PDE4D: variants seen among roughly 807,000 people sequenced by gnomAD.
PDE4D encodes 3',5'-cyclic-AMP phosphodiesterase 4D.
Under a neutral mutation model 87.4 loss-of-function variants are expected in PDE4D, and 24 were observed. The observed-to-expected ratio is 0.27, with a 90% CI of 0.20 to 0.39. The LOEUF (loss-of-function observed/expected upper bound fraction) is 0.39, where lower values mean the gene tolerates loss of function less well. Among genes scored for constraint, PDE4D ranks in the 10% least tolerant of loss-of-function variants. The probability of loss-of-function intolerance (pLI) is 1.00; values close to 1 mark genes in which losing one functional copy is unlikely to be tolerated. For missense variants in PDE4D, 714 were observed against 1,041.0 expected (o/e 0.69, Z 4.32); for synonymous variants, 384 against 383.2 (o/e 1.00, Z -0.02).
chr5:59,198,495 T>C (rs1273235962), intron 2 of PDE4D, among the ~76,000 whole-genome samples: 1 of 152,162 alleles, frequency 6.6e-6, no homozygotes, highest in Non-Finnish European at 1.5e-5. Flanking sequence ...GTTTTAAATT[T>C]CATGATGTCC....
chr5:60,036,822 T>C (rs967462136), intron 2 of PDE4D, among the ~76,000 whole-genome samples: 2 of 152,224 alleles, frequency 1.3e-5, no homozygotes, highest in Admixed American at 1.3e-4. Context: ...CTTGGACACT[T>C]CAGGGTCCAT....
chr5:60,056,502 C>T (rs1354050655), intron 2 of PDE4D, among the ~76,000 whole-genome samples: 1 of 151,926 alleles, frequency 6.6e-6, no homozygotes, highest in Non-Finnish European at 1.5e-5. Flanking sequence ...AGAGAGACAG[C>T]AGAGGGTTTA....
At chr5:59,352,421 A>C (rs1780670992) in intron 1 of PDE4D, among the ~76,000 whole-genome samples, 1 of 152,186 alleles carries the variant, frequency 6.6e-6, no homozygotes, top group African/African-American at 2.4e-5. Flanking sequence ...TGGGGTATGC[A>C]GAAAGTTACA....
intron 5 of PDE4D, among the ~76,000 whole-genome samples, chr5:59,094,963 C>T (rs564463724): frequency 6.6e-6 from 1 of 151,852 alleles, no homozygotes; most frequent in East Asian, 1.9e-4. Context: ...CAACAAGCTG[C>T]ACAAAGTTAT....
At chr5:59,702,730 G>A (rs557144638) in intron 1 of PDE4D, among the ~76,000 whole-genome samples, 1 of 151,744 alleles carries the variant, frequency 6.6e-6, no homozygotes, top group South Asian at 2.1e-4. Flanking sequence ...TTAGCTGGGT[G>A]TTGTGGCACA....
chr5:59,980,210 C>A lies in PDE4D; in HGVS notation c.272+8278G>T, dbSNP rs549077719. 2.6e-5 allele frequency among the ~76,000 whole-genome samples: 4 copies of A among 152,232 alleles called. No homozygotes were observed. In the South Asian group the frequency reaches 6.2e-4, roughly 24 times the overall value. On this transcript the variant is annotated intron_variant, in intron 3 of 16. Transcript: ENST00000502484. ...TCTCCTTAAACACTTCAGTGATTCA[C>A]AGTTCTGCATTACAGAAGGATGGTC...
chr5:60,292,185 T>G (rs1257644057), intron 1 of PDE4D, among the ~76,000 whole-genome samples: 3 of 152,142 alleles, frequency 2.0e-5, no homozygotes, highest in Admixed American at 2.0e-4. Context: ...ATTTAAAGAA[T>G]AAAATTTTTA....
chr5:59,214,465 G>A (rs147766605), intron 2 of PDE4D, among the ~76,000 whole-genome samples: 1 of 151,982 alleles, frequency 6.6e-6, no homozygotes, highest in Non-Finnish European at 1.5e-5. Flanking sequence ...TCTTTCCCTT[G>A]GGTGGAAAAC....
intron 1 of PDE4D, among the ~76,000 whole-genome samples, chr5:60,205,654 G>A (rs759473200): frequency 6.6e-6 from 1 of 152,042 alleles, no homozygotes; most frequent in Admixed American, 6.5e-5. Flanking sequence ...GGGAGGCCAA[G>A]GCGGGTGGAT....
chr5:60,084,390 G>A (rs1033892788), intron 2 of PDE4D, among the ~76,000 whole-genome samples: 1 of 41,354 alleles, frequency 2.4e-5, no homozygotes, highest in Non-Finnish European at 5.3e-5. Context: ...GCATCTTAAC[G>A]TGTGTGTGTG....
rs1188976269 is a variant in PDE4D at position 58,973,489 on chromosome 5, G to GAGC, written c.*1174_*1175insGCT. The stretch of plus-strand genomic sequence containing the variant: ...AGAGCATGAAATGTGTGGATTATTA[G>GAGC]AAAGACATGCACTTGTGAAATGAAC... On this transcript the variant is annotated 3_prime_UTR_variant, in exon 15 of 15. Transcript: ENST00000340635. 1 of 152,588 alleles carries GAGC rather than the reference G, an allele frequency of 6.6e-6. No homozygotes were observed. The highest frequency in any genetic ancestry group is 2.4e-5 in the African/African-American group (1 of 41,436). 9.5% of individuals were successfully genotyped at this position (152,588 alleles called of 1,614,324 possible).
chr5:59,431,778 C>T (rs1249596862), intron 1 of PDE4D, among the ~76,000 whole-genome samples: 3 of 152,080 alleles, frequency 2.0e-5, no homozygotes, highest in Non-Finnish European at 4.4e-5. Flanking sequence ...TCTCTCCCTC[C>T]TCCCACCTTC....
chr5:59,959,790 GATTTT>G (rs1475633350), intron 3 of PDE4D, among the ~76,000 whole-genome samples: 1 of 152,062 alleles, frequency 6.6e-6, no homozygotes, highest in African/African-American at 2.4e-5. Context: ...CCTAGGCAAA[GATTTT>G]ATGACTAAGT....
chr5:59,521,958 A>G (rs938137355), intron 1 of PDE4D, among the ~76,000 whole-genome samples: 1 of 152,244 alleles, frequency 6.6e-6, no homozygotes, highest in African/African-American at 2.4e-5. Context: ...ACAATTATTG[A>G]GAATGAAAGG....
At chr5:59,788,620 C>CAG (rs751710824) in intron 1 of PDE4D, among the ~76,000 whole-genome samples, 2 of 152,140 alleles carry the variant, frequency 1.3e-5, no homozygotes, top group Non-Finnish European at 2.9e-5. Flanking sequence ...TTGGGGAGTC[C>CAG]AGAGAGCTGC....
intron 1 of PDE4D, among the ~76,000 whole-genome samples, chr5:59,843,441 C>G (rs560518775): frequency 7.0e-6 from 1 of 143,132 alleles, no homozygotes; most frequent in Non-Finnish European, 1.6e-5. Flanking sequence ...TACCCTACTC[C>G]CCCCCAGAAA....
chr5:59,767,802 T>C (rs1245645679), intron 1 of PDE4D, among the ~76,000 whole-genome samples: 1 of 152,180 alleles, frequency 6.6e-6, no homozygotes, highest in Non-Finnish European at 1.5e-5. Context: ...ACACACTGTA[T>C]GTGTCTCTGT....
At chr5:59,180,230 A>C (rs1312210162) in intron 5 of PDE4D, 1 of 378,804 alleles carries the variant, frequency 2.6e-6, no homozygotes, top group Non-Finnish European at 5.1e-6. Context: ...CACTCTTATT[A>C]AACTAAATGA....
chr5:58,999,937 G>A, intron 6 of PDE4D: 1 of 985,382 alleles, frequency 1.0e-6, no homozygotes, highest in Non-Finnish European at 1.2e-6. Context: ...GGAACTGCAG[G>A]GAAGCCGGGA....
Sources: allele counts gnomAD v4.1 joint callset (sites outside exome capture counted in the v4.1 genomes callset), GRCh38; gene constraint gnomAD v4.1.1; transcripts MANE v1.5; gene names NCBI Gene and HGNC (gene_info 2026-07-23, HGNC 2026-07-21).